Variants in CNTNAP2 observed in about 807,000 individuals in gnomAD.
CNTNAP2 encodes contactin-associated protein-like 2.
CNTNAP2 carries 98 observed loss-of-function variants against 155.2 expected under a neutral mutation model. The observed-to-expected ratio is 0.63, with a 90% CI of 0.54 to 0.75. The LOEUF is 0.75. CNTNAP2 is among the 30% of genes least tolerant of loss of function. The probability of loss-of-function intolerance (pLI) is 0.00; values close to 1 mark genes in which losing one functional copy is unlikely to be tolerated. For synonymous variants in CNTNAP2, 651 were observed against 631.2 expected (o/e 1.03, Z -0.47); for missense variants, 1,727 against 1,688.1 (o/e 1.02, Z -0.40).
At chr7:147,490,996 A>G (rs1339094222) in intron 11 of CNTNAP2, among the ~76,000 whole-genome samples, 1 of 151,610 alleles carries the variant, frequency 6.6e-6, no homozygotes, top group Admixed American at 6.6e-5. Flanking sequence ...TGATCCAATC[A>G]CCTCCCTCCC....
intron 1 of CNTNAP2, among the ~76,000 whole-genome samples, chr7:146,606,379 A>G (rs977957964): frequency 6.6e-6 from 1 of 152,192 alleles, no homozygotes; most frequent in Admixed American, 6.5e-5. Context: ...ATTTTACTAC[A>G]TTGAAGGAAT....
chr7:146,723,778 C>T (rs1448954127), intron 1 of CNTNAP2, among the ~76,000 whole-genome samples: 1 of 152,130 alleles, frequency 6.6e-6, no homozygotes, highest in Admixed American at 6.6e-5. Context: ...AAAGTTGGTT[C>T]TCTATGAAAT....
At chr7:146,960,040 T>G (rs2129230206) in intron 3 of CNTNAP2, among the ~76,000 whole-genome samples, 1 of 152,272 alleles carries the variant, frequency 6.6e-6, no homozygotes, top group South Asian at 2.1e-4. Flanking sequence ...GCAAATGTTT[T>G]CGTGTCACCT....
chr7:147,350,388 C>G (rs192128834), intron 9 of CNTNAP2, among the ~76,000 whole-genome samples: 22 of 151,994 alleles, frequency 1.4e-4, no homozygotes, highest in African/African-American at 5.1e-4. Flanking sequence ...TAATACCCCT[C>G]TAAGCGAATC....
chr7:147,915,550 TTGTC>T (rs1431164789), intron 14 of CNTNAP2, among the ~76,000 whole-genome samples: 1 of 152,086 alleles, frequency 6.6e-6, no homozygotes, highest in African/African-American at 2.4e-5. Context: ...GTGCATGTGC[TTGTC>T]TGTGTGTGTG....
intron 21 of CNTNAP2, among the ~76,000 whole-genome samples, chr7:148,326,874 A>G (rs1797901378): frequency 6.6e-6 from 1 of 151,772 alleles, no homozygotes; most frequent in South Asian, 2.1e-4. Context: ...CAAAAAAAAA[A>G]AAAAAATAGA....
chr7:146,230,885 G>A (rs1799372280), intron 1 of CNTNAP2, among the ~76,000 whole-genome samples: 1 of 152,086 alleles, frequency 6.6e-6, no homozygotes, highest in South Asian at 2.1e-4. Flanking sequence ...CATGGTGGCA[G>A]GTGCCTGTAA....
chr7:148,141,312 C>A (rs1554476644), intron 16 of CNTNAP2, among the ~76,000 whole-genome samples: 1 of 152,226 alleles, frequency 6.6e-6, no homozygotes, highest in Non-Finnish European at 1.5e-5. Context: ...CCTCAAACAT[C>A]ATATGTTTGA....
chr7:146,427,177 G>A (rs928911670), intron 1 of CNTNAP2, among the ~76,000 whole-genome samples: 4 of 151,972 alleles, frequency 2.6e-5, no homozygotes, highest in Non-Finnish European at 4.4e-5. Flanking sequence ...TAAATAGATC[G>A]CTTTTAAGTT....
At chr7:147,911,472 C>A (rs1800066780) in intron 14 of CNTNAP2, among the ~76,000 whole-genome samples, 1 of 152,150 alleles carries the variant, frequency 6.6e-6, no homozygotes, top group African/African-American at 2.4e-5. Flanking sequence ...CTTTTCTAAT[C>A]ATTTACAGGA....
intron 13 of CNTNAP2, among the ~76,000 whole-genome samples, chr7:147,826,545 TATG>T (rs1285081898): frequency 1.3e-5 from 2 of 152,202 alleles, no homozygotes; most frequent in African/African-American, 4.8e-5. Flanking sequence ...ATGCTATATA[TATG>T]ATCCATAGAC....
chr7:148,381,397 A>G (rs1040011519), intron 21 of CNTNAP2: 1 of 152,226 alleles, frequency 6.6e-6, no homozygotes, highest in African/African-American at 2.4e-5. Context: ...TTTATTGCCG[A>G]TGAAAGTGGC....
chr7:148,296,584 C>T (rs6464868), intron 21 of CNTNAP2, among the ~76,000 whole-genome samples: 3 of 146,272 alleles, frequency 2.1e-5, no homozygotes, highest in Non-Finnish European at 4.4e-5. Flanking sequence ...CCGTGAAATT[C>T]TGCCAGTTAA....
intron 3 of CNTNAP2, among the ~76,000 whole-genome samples, chr7:147,005,367 A>G (rs990540045): frequency 6.6e-6 from 1 of 152,122 alleles, no homozygotes; most frequent in Non-Finnish European, 1.5e-5. Context: ...AATATATTAT[A>G]CAAAAGTATT....
chr7:148,398,311 A>C (rs1799512468), intron 22 of CNTNAP2, among the ~76,000 whole-genome samples: 4 of 152,250 alleles, frequency 2.6e-5, no homozygotes, highest in Admixed American at 2.6e-4. Context: ...TAGCAGTTAC[A>C]ACACAAACAT....
intron 15 of CNTNAP2, among the ~76,000 whole-genome samples, chr7:148,006,882 G>T (rs1436215368): frequency 1.3e-5 from 2 of 152,176 alleles, no homozygotes; most frequent in African/African-American, 4.8e-5. Flanking sequence ...TCTTCAGGTT[G>T]AGGCTAAGCT....
intron 21 of CNTNAP2, among the ~76,000 whole-genome samples, chr7:148,310,834 G>T (rs1192562106): frequency 4.6e-5 from 7 of 152,120 alleles, no homozygotes; most frequent in African/African-American, 1.7e-4. Flanking sequence ...GTTGTAATGG[G>T]GATTGATGAA....
intron 20 of CNTNAP2, among the ~76,000 whole-genome samples, chr7:148,251,309 C>T (rs936042697): frequency 6.6e-6 from 1 of 152,196 alleles, no homozygotes; most frequent in Admixed American, 6.5e-5. Flanking sequence ...ATAAAGGATA[C>T]AATCCAGACC....
At chr7:147,824,657 GAT>G (rs2116626386) in intron 13 of CNTNAP2, among the ~76,000 whole-genome samples, 1 of 152,180 alleles carries the variant, frequency 6.6e-6, no homozygotes, top group African/African-American at 2.4e-5. Flanking sequence ...GTCATAAAAT[GAT>G]ATGATTCTTA....
Sources: gnomAD v4.1 joint callset for allele counts (sites outside exome capture counted in the v4.1 genomes callset) on GRCh38, gnomAD v4.1.1 for gene constraint, MANE v1.5 for transcripts, NCBI Gene and HGNC (gene_info 2026-07-23, HGNC 2026-07-21) for gene names.